The following ADAM23 variants were observed in gnomAD, a reference collection of about 807,000 sequenced individuals.
The protein encoded by ADAM23 is ADAM metallopeptidase domain 23, also known as disintegrin and metalloproteinase domain-containing protein 23.
ADAM23 carries 33 observed loss-of-function variants against 120.1 expected under a neutral mutation model. That is an observed-to-expected ratio of 0.27 (90% confidence interval 0.21 to 0.37). ADAM23 has a LOEUF of 0.37. Ranked by LOEUF, ADAM23 falls within the 10% of genes least tolerant of loss-of-function variation. ADAM23 has a pLI of 1.00. For synonymous variants in ADAM23, 367 were observed against 375.2 expected (o/e 0.98, Z 0.25); for missense variants, 862 against 1,058.2 (o/e 0.81, Z 2.57).
rs759782081 is a variant in ADAM23, at chr2:206,465,987, G to A, written c.433-15245G>A. Reference sequence around the variant, plus strand: ...CTGTGACTTAAAATGAGGTCTCTAAGATGGGAGATATAGTTAGTAAATAAA... The same window carrying A: ...CTGTGACTTAAAATGAGGTCTCTAAAATGGGAGATATAGTTAGTAAATAAA... On this transcript the variant is annotated intron_variant, in intron 2 of 25. Transcript: ENST00000264377. 6.6e-4 allele frequency among the ~76,000 whole-genome samples: 101 copies of A among 152,140 alleles called. 3 individuals carry two copies. The highest frequency in any genetic ancestry group is 4.0e-4 in the Non-Finnish European group (27 of 68,018).
At chr2:206,558,726 T>C (rs1697696734) in intron 10 of ADAM23, among the ~76,000 whole-genome samples, 1 of 152,238 alleles carries the variant, frequency 6.6e-6, no homozygotes, top group African/African-American at 2.4e-5. Flanking sequence ...TTCAACATGA[T>C]TGAATAGAGT....
chr2:206,584,203 A>G (rs915883018), intron 18 of ADAM23, among the ~76,000 whole-genome samples: 4 of 152,110 alleles, frequency 2.6e-5, no homozygotes, highest in African/African-American at 9.7e-5. Flanking sequence ...GAGTTCTGTT[A>G]TGTGAACTGT....
At chr2:206,514,924 A>G (rs1696699028) in intron 3 of ADAM23, among the ~76,000 whole-genome samples, 1 of 152,232 alleles carries the variant, frequency 6.6e-6, no homozygotes, top group Non-Finnish European at 1.5e-5. Flanking sequence ...TATTACATGC[A>G]TAATAGACTA....
In ADAM23 at chr2:206,588,085, C is replaced by G; in HGVS notation, c.1789-6C>G. ...GTGTGCCTCACATGTGTGCTCCTGT[C>G]CCCAGGGCCGCTGCTACAATGGCGA... On this transcript the variant is annotated splice_polypyrimidine_tract_variant and splice_region_variant and intron_variant, in intron 19 of 25. Coordinates refer to ENST00000264377, the MANE Select transcript of ADAM23 (RefSeq NM_003812.4). 1.2e-6 allele frequency: 2 copies of G among 1,613,912 alleles called. No individual in the cohort carries two copies. The highest frequency in any genetic ancestry group is 2.2e-5 in the East Asian group (1 of 44,856).
chr2:206,521,797 T>C (rs1226406988), intron 3 of ADAM23, among the ~76,000 whole-genome samples: 1 of 152,230 alleles, frequency 6.6e-6, no homozygotes, highest in Non-Finnish European at 1.5e-5. Context: ...GAAACCCTTA[T>C]GAGTGGAACT....
intron 6 of ADAM23, 126 bp downstream of exon 6, chr2:206,543,442 G>T: frequency 1.3e-6 from 1 of 760,526 alleles, no homozygotes; most frequent in Non-Finnish European, 2.1e-6. Flanking sequence ...TTCAAACTTA[G>T]AGTAGTACCC....
intron 25 of ADAM23, among the ~76,000 whole-genome samples, chr2:206,610,585 A>C (rs1698808921): frequency 6.6e-6 from 1 of 152,258 alleles, no homozygotes; most frequent in Admixed American, 6.5e-5. Flanking sequence ...TGTGACACTT[A>C]GTATTTTCTA....
intron 10 of ADAM23, among the ~76,000 whole-genome samples, chr2:206,558,912 T>C (rs1482801297): frequency 1.3e-5 from 2 of 149,832 alleles, no homozygotes; most frequent in Admixed American, 1.3e-4. Flanking sequence ...TCAAAGATCA[T>C]CCATTGGTTT....
intron 3 of ADAM23, among the ~76,000 whole-genome samples, chr2:206,491,395 G>T (rs1696131802): frequency 6.6e-6 from 1 of 152,180 alleles, no homozygotes. Flanking sequence ...GAATTTAATT[G>T]TTGATGGGAT....
At chr2:206,570,889 G>C in intron 16 of ADAM23, 78 bp downstream of exon 16, 1 of 1,259,966 alleles carries the variant, frequency 7.9e-7, no homozygotes, top group Non-Finnish European at 1.2e-6. Context: ...TGAGAGGCCA[G>C]CACATTGATT....
In ADAM23 at chr2:206,443,744, G is replaced by C. The variant is rs1054839011; in HGVS notation, c.-123G>C. 1.6e-3 allele frequency: 559 copies of C among 356,308 alleles called. 3 individuals are homozygous for C. Among genetic ancestry groups the C allele is most frequent in the African/African-American group, 0.012 (533 of 44,366 alleles). The allele number at this position is 356,308 out of a possible 1,614,324, so 22.1% of individuals were successfully genotyped here. A position where few individuals can be genotyped will look rare whatever the true frequency, so the allele number is the denominator to read the frequency against. On this transcript the variant is annotated 5_prime_UTR_variant, in exon 1 of 26. Coordinates refer to ENST00000264377, the MANE Select transcript of ADAM23 (RefSeq NM_003812.4). ...CCGCGCCCCGTGCCCCGAGCCCGGA[G>C]CCCCCTGCCCGCCGCGGCACCATGC... is the stretch of plus-strand genomic sequence containing the variant.
chr2:206,498,682 A>G (rs1371966038), intron 3 of ADAM23, among the ~76,000 whole-genome samples: 3 of 152,230 alleles, frequency 2.0e-5, no homozygotes, highest in African/African-American at 4.8e-5. Flanking sequence ...GCTTTTGCAC[A>G]GCAAAAGAAA....
intron 3 of ADAM23, among the ~76,000 whole-genome samples, chr2:206,522,804 ATTTT>A (rs5838025): frequency 6.1e-5 from 9 of 146,844 alleles, no homozygotes; most frequent in African/African-American, 2.3e-4. Flanking sequence ...CTTGTGTTTA[ATTTT>A]TTTTTTTTTG....
chr2:206,566,958 A>T (rs531277365), intron 14 of ADAM23, among the ~76,000 whole-genome samples: 2 of 152,166 alleles, frequency 1.3e-5, no homozygotes, highest in Non-Finnish European at 2.9e-5. Flanking sequence ...TTTAAAAAAC[A>T]TTTCAAGCCT....
chr2:206,461,655 A>AT (rs989165806), intron 2 of ADAM23, among the ~76,000 whole-genome samples: 4 of 152,046 alleles, frequency 2.6e-5, no homozygotes, highest in African/African-American at 9.7e-5. Context: ...GTCTCAGGTG[A>AT]TTTTGATCTG....
At chr2:206,589,625 T>C (rs1417963765) in intron 21 of ADAM23, 111 bp downstream of exon 21, 1 of 789,952 alleles carries the variant, frequency 1.3e-6, no homozygotes, top group Non-Finnish European at 1.9e-6. Flanking sequence ...TGTTCACCAT[T>C]CCAAAATTTA....
chr2:206,544,275 A>C (rs369715811), intron 6 of ADAM23, among the ~76,000 whole-genome samples: 3 of 152,312 alleles, frequency 2.0e-5, no homozygotes, highest in Admixed American at 6.5e-5. Flanking sequence ...TTTTCTTTAC[A>C]GATAGGGAAG....
chr2:206,451,116 T>G (rs1695184645), intron 2 of ADAM23, among the ~76,000 whole-genome samples: 1 of 152,082 alleles, frequency 6.6e-6, no homozygotes, highest in Admixed American at 6.5e-5. Flanking sequence ...AGGAGTTAAG[T>G]TTGTGCAGAA....
chr2:206,590,650 G>C (rs1574553109), intron 21 of ADAM23, among the ~76,000 whole-genome samples: 2 of 152,066 alleles, frequency 1.3e-5, no homozygotes, highest in South Asian at 4.1e-4. Flanking sequence ...TGATGGATGA[G>C]GCCACAGTAG....
Sources: allele counts gnomAD v4.1 joint callset (sites outside exome capture counted in the v4.1 genomes callset), GRCh38; gene constraint gnomAD v4.1.1; transcripts MANE v1.5; gene names NCBI Gene and HGNC (gene_info 2026-07-23, HGNC 2026-07-21).